Variants in MFF observed in about 807,000 individuals in gnomAD.
MFF encodes the protein mitochondrial fission factor, also known as chromosome 2 open reading frame 33.
Under a neutral mutation model 36.9 loss-of-function variants are expected in MFF, and 12 were observed. That is an observed-to-expected ratio of 0.33 (90% confidence interval 0.21 to 0.53). The LOEUF (loss-of-function observed/expected upper bound fraction) is 0.53. Among genes scored for constraint, MFF ranks in the 20% least tolerant of loss-of-function variants. The pLI is 0.95. For missense variants in MFF, 348 were observed against 366.6 expected, an observed-to-expected ratio of 0.95 and a Z score of 0.42; for synonymous variants, 99 against 126.2, an observed-to-expected ratio of 0.78 and a Z score of 1.44.
intron 3 of MFF, among the ~76,000 whole-genome samples, chr2:227,331,707 C>A (rs2074581011): frequency 6.6e-6 from 1 of 152,144 alleles, no homozygotes; most frequent in Non-Finnish European, 1.5e-5. Flanking sequence ...GCGTGTAGTG[C>A]CATCTTGCGA....
chr2:227,332,621 A>C, intron 4 of MFF, 33 bp downstream of exon 4: 1 of 1,528,496 alleles, frequency 6.5e-7, no homozygotes. Flanking sequence ...CGGAATTTGA[A>C]ATAATGTAGA....
chr2:227,350,628 A>G (rs1338298704), intron 6 of MFF, among the ~76,000 whole-genome samples: 1 of 152,150 alleles, frequency 6.6e-6, no homozygotes, highest in Non-Finnish European at 1.5e-5. Flanking sequence ...TTCTCTTTAA[A>G]AAAGTGTATA....
chr2:227,337,433 C>G (rs540269644), intron 4 of MFF, among the ~76,000 whole-genome samples: 1 of 152,206 alleles, frequency 6.6e-6, no homozygotes, highest in Non-Finnish European at 1.5e-5. Context: ...AGGAAAAACA[C>G]GAAGGCTCTG....
chr2:227,356,840 G>T, intron 8 of MFF, 146 bp from the exon 9 acceptor site: 1 of 656,354 alleles, frequency 1.5e-6, no homozygotes, highest in Non-Finnish European at 2.6e-6. Context: ...GTGTAGTTGT[G>T]TTTATTTTGC....
At position 227,357,212 on chromosome 2, in the gene MFF, T is replaced by TTCAGGGTGTGGAC; in HGVS notation, c.*96_*97insCAGGGTGTGGACT. 1 of 1,335,870 alleles carries TTCAGGGTGTGGAC rather than the reference T, an allele frequency of 7.5e-7. No homozygotes were observed. Among genetic ancestry groups the TTCAGGGTGTGGAC allele is most frequent in the Non-Finnish European group, 1.0e-6 (1 of 964,542 alleles). 82.8% of individuals were successfully genotyped at this position (1,335,870 alleles called of 1,614,324 possible). ...TTCTGTCTCTGCATTGTATGCCATT[T>TTCAGGGTGTGGAC]TATAGTCCACACCCTGAAAATGTAT... On this transcript the variant is annotated 3_prime_UTR_variant, in exon 9 of 9. Coordinates refer to ENST00000304593, the MANE Select transcript of MFF (RefSeq NM_001277062.2).
rs2074507331 is a variant in MFF, at chr2:227,330,699, G to A, written c.34G>A (p.Glu12Lys). The A allele has an allele frequency of 6.2e-7, 1 of 1,614,118 alleles. No individual in the cohort carries two copies. The highest frequency in any genetic ancestry group is 1.1e-5 in the South Asian group (1 of 91,084). ...AEISRIQYEM[E>K]YTEGISQRMR... is the part of the protein sequence containing the mutation. ...AATTAGTCGAATTCAGTACGAAATG[G>A]AATATACTGAAGGCATTAGTCAGCG... The change falls in exon 3 of 9, where the codon GAA becomes AAA. Residue 12 changes from glutamate (E) to lysine (K), a missense_variant. Glu to Lys is a moderately conservative substitution (Grantham distance 56). Transcript: ENST00000304593.
chr2:227,347,810 G>A lies in MFF; in HGVS notation c.599+426G>A, dbSNP rs909466718. Among the ~76,000 whole-genome samples, 8 of 152,286 alleles carry A rather than the reference G, an allele frequency of 5.3e-5. No individual in the cohort carries two copies. In the East Asian group the frequency reaches 5.8e-4, roughly 11 times the overall value. ...GCAAATCTGAGGAGGTGATGTCAGC[G>A]CAGCTGCCAGGACACTTTTTTCCTT... On this transcript the variant is annotated intron_variant, in intron 6 of 8. Transcript: ENST00000304593.
chr2:227,340,160 A>G, intron 4 of MFF, 132 bp from the exon 5 acceptor site: 1 of 629,626 alleles, frequency 1.6e-6, no homozygotes, highest in South Asian at 2.1e-5. Context: ...CCTGGCAGCA[A>G]TTCTTGGTTG....
intron 5 of MFF, chr2:227,342,739 T>A: frequency 6.2e-7 from 1 of 1,608,132 alleles, no homozygotes; most frequent in South Asian, 1.1e-5. Context: ...ATAATTATTA[T>A]TTAAGGTGGC....
chr2:227,339,501 G>A (rs1274387673), intron 4 of MFF, among the ~76,000 whole-genome samples: 3 of 152,210 alleles, frequency 2.0e-5, no homozygotes, highest in African/African-American at 4.8e-5. Context: ...GGTACTAGCT[G>A]TTGTCTGGGA....
At chr2:227,329,885 C>A in intron 2 of MFF, 1 of 736,252 alleles carries the variant, frequency 1.4e-6, no homozygotes, top group Non-Finnish European at 2.2e-6. Flanking sequence ...ACATTTTTAT[C>A]AGCTTTTGTA....
chr2:227,335,502 G>A (rs2106370937), intron 4 of MFF, among the ~76,000 whole-genome samples: 1 of 152,296 alleles, frequency 6.6e-6, no homozygotes, highest in South Asian at 2.1e-4. Flanking sequence ...GGTTAAAATT[G>A]TGTATGTTAT....
At position 227,352,577 on chromosome 2, in the gene MFF, A is replaced by G. The variant is rs1187317513; in HGVS notation, c.659+4A>G. The stretch of plus-strand genomic sequence containing the variant: ...ATCCTCATCATGACAACGTCAGGTA[A>G]ATTTTGAGACTTCGTAATTACCAGG... On this transcript the variant is annotated splice_donor_region_variant and intron_variant, in intron 7 of 8. Coordinates refer to ENST00000304593, the MANE Select transcript of MFF (RefSeq NM_001277062.2). 1 of 1,447,504 alleles carries G rather than the reference A, an allele frequency of 6.9e-7. No individual in the cohort carries two copies. Among genetic ancestry groups the G allele is most frequent in the Non-Finnish European group, 9.3e-7 (1 of 1,077,022 alleles). 89.7% of individuals were successfully genotyped at this position (1,447,504 alleles called of 1,614,324 possible).
intron 2 of MFF, 68 bp from the exon 3 acceptor site, chr2:227,330,558 T>C: frequency 1.9e-6 from 2 of 1,069,248 alleles, no homozygotes; most frequent in South Asian, 1.5e-5. Flanking sequence ...TATTGTCTTC[T>C]AACTTCACTG....
At chr2:227,343,165 C>G (rs2075506530) in intron 5 of MFF, among the ~76,000 whole-genome samples, 2 of 148,588 alleles carry the variant, frequency 1.3e-5, no homozygotes, top group Non-Finnish European at 3.0e-5. Flanking sequence ...TGCAGTGATC[C>G]CAATTTTTTT....
At chr2:227,354,198 G>A (rs1418762935) in intron 7 of MFF, among the ~76,000 whole-genome samples, 1 of 152,070 alleles carries the variant, frequency 6.6e-6, no homozygotes, top group Non-Finnish European at 1.5e-5. Context: ...TATTGTTTAA[G>A]GTTTTTTGCA....
In MFF at chr2:227,347,227, G is replaced by A. The variant is rs1418440279; in HGVS notation, c.442G>A (p.Val148Met). ...NGQLVRNDSL[V>M]TPSPQQARVC... ...CATTTGCTGTGCTTGTGTAAACAGT[G>A]TGACACCATCGCCACAACAGGCTCG... The change falls in exon 6 of 9, where the codon GTG becomes ATG. Residue 148 changes from valine (V) to methionine (M), a missense_variant and splice_region_variant. Val to Met is a conservative substitution (Grantham distance 21). Coordinates refer to ENST00000304593, the MANE Select transcript of MFF (RefSeq NM_001277062.2). The A allele has an allele frequency of 6.2e-7, 1 of 1,613,444 alleles. No homozygotes were observed. Among genetic ancestry groups the A allele is most frequent in the Admixed American group, 1.7e-5 (1 of 59,988 alleles).
At chr2:227,349,972 C>G (rs796237303) in intron 6 of MFF, among the ~76,000 whole-genome samples, 9 of 152,186 alleles carry the variant, frequency 5.9e-5, no homozygotes, top group African/African-American at 2.2e-4. Context: ...TTTCTGCTTG[C>G]TTTATCACTA....
intron 4 of MFF, among the ~76,000 whole-genome samples, chr2:227,339,824 T>C (rs908206653): frequency 6.6e-6 from 1 of 152,234 alleles, no homozygotes; most frequent in Non-Finnish European, 1.5e-5. Context: ...TTAAGCTAGA[T>C]ACATTTTTAG....
Sources: gnomAD v4.1 joint callset for allele counts (sites outside exome capture counted in the v4.1 genomes callset) on GRCh38, gnomAD v4.1.1 for gene constraint, MANE v1.5 for transcripts, NCBI Gene and HGNC (gene_info 2026-07-23, HGNC 2026-07-21) for gene names.